RAB6A: variants seen among roughly 807,000 people sequenced by gnomAD.
The protein encoded by RAB6A is ras-related protein Rab-6A.
In RAB6A, 8 loss-of-function variants were observed where a neutral mutation model predicts 32.3. The observed-to-expected ratio is 0.25, with a 90% confidence interval of 0.15 to 0.45. The LOEUF is 0.45. Among genes scored for constraint, RAB6A ranks in the 20% least tolerant of loss-of-function variants. The pLI is 1.00. For synonymous variants in RAB6A, 73 were observed against 82.1 expected (o/e 0.89, Z 0.60); for missense variants, 104 against 249.4 (o/e 0.42, Z 3.93).
chr11:73,721,844 T>A (rs1471183109), intron 2 of RAB6A, among the ~76,000 whole-genome samples: 1 of 152,144 alleles, frequency 6.6e-6, no homozygotes, highest in Non-Finnish European at 1.5e-5. Context: ...GAATTTTAAG[T>A]TCCTAAAAAA....
intron 1 of RAB6A, among the ~76,000 whole-genome samples, chr11:73,748,400 A>C (rs1445961074): frequency 6.6e-6 from 1 of 152,212 alleles, no homozygotes; most frequent in Non-Finnish European, 1.5e-5. Context: ...TTACAATACG[A>C]CGTGTGGAGT....
intron 1 of RAB6A, among the ~76,000 whole-genome samples, chr11:73,755,862 G>A (rs1302138391): frequency 1.1e-4 from 12 of 109,064 alleles, no homozygotes; most frequent in Middle Eastern, 4.3e-3. Flanking sequence ...AGGAGGAGGA[G>A]GAAGAAGAAC....
chr11:73,720,244 A>C (rs931278610), intron 3 of RAB6A, among the ~76,000 whole-genome samples: 3 of 147,318 alleles, frequency 2.0e-5, no homozygotes, highest in Non-Finnish European at 4.5e-5. Context: ...GCAATGGCGC[A>C]ATCTCAGCTC....
chr11:73,756,943 G>C (rs958838605), intron 1 of RAB6A, among the ~76,000 whole-genome samples: 2 of 151,632 alleles, frequency 1.3e-5, no homozygotes, highest in African/African-American at 4.8e-5. Flanking sequence ...TAAAGTGCTG[G>C]GATTACAGGC....
chr11:73,754,431 C>G (rs182445158), intron 1 of RAB6A, among the ~76,000 whole-genome samples: 2 of 152,314 alleles, frequency 1.3e-5, no homozygotes, highest in Admixed American at 1.3e-4. Context: ...CACTCTTACT[C>G]TCTTGAAATG....
chr11:73,750,013 C>A (rs1457990877), intron 1 of RAB6A, among the ~76,000 whole-genome samples: 2 of 152,124 alleles, frequency 1.3e-5, no homozygotes, highest in Non-Finnish European at 2.9e-5. Context: ...ACATTTTTAA[C>A]ACAAATTTTA....
At chr11:73,718,926 ACC>A in intron 3 of RAB6A, 21 of 1,490,748 alleles carry the variant, frequency 1.4e-5, no homozygotes, top group Middle Eastern at 1.8e-4. Flanking sequence ...AAAAAAAAAA[ACC>A]AAACTAATAC....
rs759539191 is a variant in RAB6A, at chr11:73,759,035, C to G, written c.70+1531G>C. Reference sequence around the variant, plus strand: ...GAGAAAAATGATTTCCCAGTTCTAACTGGAGGCAATTTTGCAAGAGTATTA... The same window carrying G: ...GAGAAAAATGATTTCCCAGTTCTAAGTGGAGGCAATTTTGCAAGAGTATTA... On this transcript the variant is annotated intron_variant, in intron 1 of 7. Transcript: ENST00000336083. Among the ~76,000 whole-genome samples, 12 of 152,182 alleles carry G rather than the reference C, an allele frequency of 7.9e-5. 1 individual carries two copies. The highest frequency in any genetic ancestry group is 4.4e-5 in the Non-Finnish European group (3 of 68,010).
intron 4 of RAB6A, among the ~76,000 whole-genome samples, chr11:73,717,609 T>A (rs946287320): frequency 6.6e-6 from 1 of 152,214 alleles, no homozygotes; most frequent in Non-Finnish European, 1.5e-5. Context: ...CACACCTGGC[T>A]AATTTTGCAT....
chr11:73,683,401 G>A (rs909198697), intron 6 of RAB6A, among the ~76,000 whole-genome samples: 1 of 151,238 alleles, frequency 6.6e-6, no homozygotes, highest in Non-Finnish European at 1.5e-5. Context: ...GACTACAGGG[G>A]CATGCCACCA....
intron 6 of RAB6A, among the ~76,000 whole-genome samples, chr11:73,691,059 T>C (rs563059745): frequency 1.3e-4 from 20 of 151,958 alleles, no homozygotes; most frequent in Admixed American, 3.3e-4. Flanking sequence ...GCTCAGGCCC[T>C]GGGCCTTAGA....
At chr11:73,694,329 C>T (rs1470465223) in intron 6 of RAB6A, among the ~76,000 whole-genome samples, 1 of 152,174 alleles carries the variant, frequency 6.6e-6, no homozygotes, top group African/African-American at 2.4e-5. Context: ...ATGTTAATAA[C>T]CCCATTTTAA....
intron 5 of RAB6A, among the ~76,000 whole-genome samples, chr11:73,715,273 C>A (rs1946035641): frequency 6.6e-6 from 1 of 152,064 alleles, no homozygotes; most frequent in Non-Finnish European, 1.5e-5. Flanking sequence ...ATTACAGGTG[C>A]ATGCCACAGC....
chr11:73,683,445 A>G (rs1945391807), intron 6 of RAB6A, among the ~76,000 whole-genome samples: 1 of 150,700 alleles, frequency 6.6e-6, no homozygotes, highest in Admixed American at 6.6e-5. Context: ...TTTTGTAGAA[A>G]AGAGGTTTTG....
chr11:73,717,474 TG>T (rs1946068831), intron 4 of RAB6A, among the ~76,000 whole-genome samples: 2 of 152,358 alleles, frequency 1.3e-5, no homozygotes, highest in South Asian at 4.1e-4. Flanking sequence ...GACAGAGTTT[TG>T]TTCTTGTTGC....
intron 1 of RAB6A, among the ~76,000 whole-genome samples, chr11:73,733,197 G>GT (rs930247546): frequency 2.0e-5 from 3 of 152,050 alleles, no homozygotes; most frequent in Non-Finnish European, 4.4e-5. Context: ...TGTTGTTGTT[G>GT]TTTTAAGCCA....
chr11:73,733,466 T>C (rs1054613488), intron 1 of RAB6A, among the ~76,000 whole-genome samples: 2 of 151,794 alleles, frequency 1.3e-5, no homozygotes, highest in Non-Finnish European at 2.9e-5. Flanking sequence ...GGAGAATCGT[T>C]TGAACCCAGG....
intron 1 of RAB6A, among the ~76,000 whole-genome samples, chr11:73,736,798 GAAAAAAAAAAGAAA>G (rs1946400717): frequency 2.6e-5 from 1 of 38,572 alleles, no homozygotes; most frequent in East Asian, 1.1e-3. Context: ...TCTCGAGAAA[GAAAAAAAAAAGAAA>G]AAAAAAAAAA....
At chr11:73,735,947 G>A (rs1392885836) in intron 1 of RAB6A, among the ~76,000 whole-genome samples, 1 of 138,414 alleles carries the variant, frequency 7.2e-6, no homozygotes. Flanking sequence ...AAGAGAGAGA[G>A]AGACAGAGAG....
Sources: gnomAD v4.1 joint callset for allele counts (sites outside exome capture counted in the v4.1 genomes callset) on GRCh38, gnomAD v4.1.1 for gene constraint, MANE v1.5 for transcripts, NCBI Gene and HGNC (gene_info 2026-07-23, HGNC 2026-07-21) for gene names.